NT5DC1: variants seen among roughly 807,000 people sequenced by gnomAD.
The protein encoded by NT5DC1 is 5'-nucleotidase domain-containing protein 1.
A neutral mutation model predicts 59.4 loss-of-function variants in NT5DC1; 42 were observed. That is an observed-to-expected ratio of 0.71 (90% CI 0.55 to 0.92). NT5DC1 has a LOEUF of 0.92. Among genes scored for constraint, NT5DC1 ranks in the 40% least tolerant of loss-of-function variants. The probability of loss-of-function intolerance (pLI) is 0.00; values close to 1 mark genes in which losing one functional copy is unlikely to be tolerated. For synonymous variants in NT5DC1, 172 were observed against 188.1 expected (o/e 0.91, Z 0.70); for missense variants, 501 against 537.1 (o/e 0.93, Z 0.66).
intron 6 of NT5DC1, among the ~76,000 whole-genome samples, chr6:116,207,259 G>GA (rs1207504263): frequency 6.6e-6 from 1 of 151,532 alleles, no homozygotes; most frequent in African/African-American, 2.4e-5. Flanking sequence ...GAAATCATGG[G>GA]AAAAAATATT....
chr6:116,166,898 T>C (rs1157045593), intron 6 of NT5DC1, among the ~76,000 whole-genome samples: 1 of 152,216 alleles, frequency 6.6e-6, no homozygotes, highest in Non-Finnish European at 1.5e-5. Flanking sequence ...TTTTTTGTTA[T>C]TCAGAATTGA....
At chr6:116,204,836 A>G (rs1191489348) in intron 6 of NT5DC1, among the ~76,000 whole-genome samples, 2 of 152,008 alleles carry the variant, frequency 1.3e-5, no homozygotes, top group African/African-American at 4.8e-5. Context: ...AGTGTGTAGT[A>G]GGTGCTCAGT....
At chr6:116,190,260 C>G (rs1297663176) in intron 6 of NT5DC1, among the ~76,000 whole-genome samples, 1 of 151,956 alleles carries the variant, frequency 6.6e-6, no homozygotes, top group East Asian at 1.9e-4. Context: ...TTTAAATTAT[C>G]TATGTATTTT....
chr6:116,241,141 CAAAAAAA>C (rs532456933), intron 11 of NT5DC1, among the ~76,000 whole-genome samples: 3 of 64,332 alleles, frequency 4.7e-5, no homozygotes, highest in East Asian at 5.2e-4. Context: ...AAGACTGTCT[CAAAAAAA>C]AAAAAAAAAA....
At chr6:116,235,423 C>A (rs943297379) in intron 8 of NT5DC1, among the ~76,000 whole-genome samples, 3 of 152,056 alleles carry the variant, frequency 2.0e-5, no homozygotes, top group Non-Finnish European at 4.4e-5. Flanking sequence ...TTTGATTTTG[C>A]AGAAGAATTT....
At chr6:116,163,141 A>AAAAAAAAATATAT (rs761718922) in intron 6 of NT5DC1, among the ~76,000 whole-genome samples, 23 of 88,392 alleles carry the variant, frequency 2.6e-4, no homozygotes, top group African/African-American at 1.3e-3. Flanking sequence ...AAAAAAAAAA[A>AAAAAAAAATATAT]ATATATATAT....
intron 6 of NT5DC1, among the ~76,000 whole-genome samples, chr6:116,218,362 A>T (rs916493618): frequency 1.9e-4 from 29 of 152,138 alleles, no homozygotes; most frequent in African/African-American, 7.0e-4. Flanking sequence ...TCTGAAAGCA[A>T]GTCTATGTTT....
intron 6 of NT5DC1, among the ~76,000 whole-genome samples, chr6:116,187,618 AG>A (rs1370831616): frequency 6.6e-6 from 1 of 152,106 alleles, no homozygotes; most frequent in African/African-American, 2.4e-5. Context: ...CAGTGGGGAA[AG>A]GACTGTCATA....
intron 6 of NT5DC1, among the ~76,000 whole-genome samples, chr6:116,169,269 T>C (rs1266117351): frequency 6.6e-6 from 1 of 152,248 alleles, no homozygotes; most frequent in African/African-American, 2.4e-5. Context: ...TTGTTTAACT[T>C]TTCTAGTTAT....
At chr6:116,182,222 A>AGAGT (rs148509481) in intron 6 of NT5DC1, among the ~76,000 whole-genome samples, 1 of 124,604 alleles carries the variant, frequency 8.0e-6, no homozygotes, top group Non-Finnish European at 1.7e-5. Flanking sequence ...TTCCATGGAG[A>AGAGT]GTGTGTGTGT....
In NT5DC1 at chr6:116,112,383, C is replaced by A. The variant is rs146714201; in HGVS notation, c.364+1427C>A. 2.5e-3 allele frequency among the ~76,000 whole-genome samples: 379 copies of A among 151,956 alleles called. 10 individuals carry two copies. In the South Asian group the frequency reaches 0.041, roughly 16 times the overall value. ...AAAAAATGGCCTGTGATACCACAGC[C>A]CAATTAAAGTTTGTTTACGTTAAAT... is the stretch of plus-strand genomic sequence containing the variant. On this transcript the variant is annotated intron_variant, in intron 4 of 11. Coordinates refer to ENST00000319550, the MANE Select transcript of NT5DC1 (RefSeq NM_152729.3).
At chr6:116,177,359 C>T (rs1016816507) in intron 6 of NT5DC1, among the ~76,000 whole-genome samples, 11 of 152,084 alleles carry the variant, frequency 7.2e-5, no homozygotes, top group Non-Finnish European at 1.2e-4. Context: ...AAGACAGGCA[C>T]CACTATAAAA....
intron 8 of NT5DC1, 38 bp downstream of exon 8, chr6:116,223,169 G>C (rs1451029207): frequency 9.2e-7 from 1 of 1,090,614 alleles, no homozygotes; most frequent in African/African-American, 1.6e-5. Context: ...CCTGTATACA[G>C]TTGGCTAACA....
In NT5DC1 at chr6:116,165,098, GA is replaced by G. The variant is rs71554841; in HGVS notation, c.529+47173del. Among the ~76,000 whole-genome samples, 609 of 101,044 alleles carry G rather than the reference GA, an allele frequency of 6.0e-3. 7 individuals carry two copies. Among genetic ancestry groups the G allele is most frequent in the African/African-American group, 0.015 (368 of 24,384 alleles). 66.3% of individuals were successfully genotyped at this position (101,044 alleles called of 152,430 possible). On this transcript the variant is annotated intron_variant, in intron 6 of 11. Transcript: ENST00000319550. ...GGCGACAGAGCGAGACTCCGTCTCA[GA>G]AAAAAAAAAAAAAAAAAAATTATTG...
At chr6:116,242,243 C>A (rs2059568450) in intron 11 of NT5DC1, among the ~76,000 whole-genome samples, 1 of 150,624 alleles carries the variant, frequency 6.6e-6, no homozygotes, top group Non-Finnish European at 1.5e-5. Context: ...TGGTGGCGGG[C>A]GCCTGTGGGA....
At chr6:116,231,147 A>AT (rs1554202024) in intron 8 of NT5DC1, among the ~76,000 whole-genome samples, 6 of 56,096 alleles carry the variant, frequency 1.1e-4, no homozygotes, top group Non-Finnish European at 1.6e-4. Flanking sequence ...TGAATGGTAA[A>AT]TCCCCCCCCC....
At chr6:116,189,047 T>C (rs1300357984) in intron 6 of NT5DC1, among the ~76,000 whole-genome samples, 1 of 152,002 alleles carries the variant, frequency 6.6e-6, no homozygotes, top group Non-Finnish European at 1.5e-5. Context: ...TCCTTGTATA[T>C]TCACAGTTAA....
intron 6 of NT5DC1, among the ~76,000 whole-genome samples, chr6:116,155,289 G>A (rs73772298): frequency 6.6e-6 from 1 of 152,204 alleles, no homozygotes; most frequent in African/African-American, 2.4e-5. Flanking sequence ...AGATATCTGG[G>A]ATAATCTGAG....
chr6:116,190,406 CAG>C (rs1003552956), intron 6 of NT5DC1, among the ~76,000 whole-genome samples: 4 of 151,680 alleles, frequency 2.6e-5, no homozygotes, highest in Admixed American at 1.3e-4. Context: ...GACTTAGAAA[CAG>C]AGGGGAAATG....
Sources: allele counts gnomAD v4.1 joint callset (sites outside exome capture counted in the v4.1 genomes callset), GRCh38; gene constraint gnomAD v4.1.1; transcripts MANE v1.5; gene names NCBI Gene and HGNC (gene_info 2026-07-23, HGNC 2026-07-21).